Variants in PALLD observed in about 807,000 individuals in gnomAD.
PALLD encodes palladin.
PALLD carries 61 observed loss-of-function variants against 123.5 expected under a neutral mutation model. The ratio of observed to expected loss-of-function variants is 0.49; its 90% CI spans 0.40 to 0.61. The LOEUF (loss-of-function observed/expected upper bound fraction) is 0.61. PALLD is among the 20% of genes least tolerant of loss of function. The probability of loss-of-function intolerance (pLI) is 0.00; values close to 1 mark genes in which losing one functional copy is unlikely to be tolerated. For missense variants in PALLD, 1,273 were observed against 1,377.0 expected (o/e 0.92, Z 1.20); for synonymous variants, 465 against 496.4 (o/e 0.94, Z 0.84).
chr4:168,666,270 C>T (rs917455449), intron 2 of PALLD, among the ~76,000 whole-genome samples: 2 of 152,104 alleles, frequency 1.3e-5, no homozygotes, highest in African/African-American at 4.8e-5. Context: ...TCATTTTCCC[C>T]CAGTAGGTGG....
intron 9 of PALLD, among the ~76,000 whole-genome samples, chr4:168,709,815 T>A (rs1041650390): frequency 1.3e-5 from 2 of 151,968 alleles, no homozygotes; most frequent in African/African-American, 4.8e-5. Context: ...AATGATCGTG[T>A]AGCAACTGAA....
chr4:168,631,638 G>A, intron 2 of PALLD: 5 of 985,516 alleles, frequency 5.1e-6, no homozygotes, highest in Non-Finnish European at 6.0e-6. Flanking sequence ...GGAGACCGGC[G>A]GCCTCTCACC....
intron 10 of PALLD, among the ~76,000 whole-genome samples, chr4:168,822,532 G>C (rs1028228479): frequency 1.3e-5 from 2 of 152,192 alleles, no homozygotes; most frequent in Admixed American, 6.5e-5. Context: ...CCTTCAACCT[G>C]ATACTAACTC....
chr4:168,770,468 A>G (rs1209576468), intron 10 of PALLD, among the ~76,000 whole-genome samples: 1 of 152,194 alleles, frequency 6.6e-6, no homozygotes, highest in Non-Finnish European at 1.5e-5. Context: ...GGCCTGATAC[A>G]CAAGTGCTGG....
At chr4:168,706,842 A>G (rs1001518786) in intron 8 of PALLD, among the ~76,000 whole-genome samples, 1 of 152,180 alleles carries the variant, frequency 6.6e-6, no homozygotes, top group African/African-American at 2.4e-5. Context: ...AATGATAGAT[A>G]CATGAATTTT....
At chr4:168,761,650 T>TTTTTTTTTTTTTTG in intron 10 of PALLD, among the ~76,000 whole-genome samples, 1 of 35,736 alleles carries the variant, frequency 2.8e-5, no homozygotes, top group Non-Finnish European at 6.2e-5. Context: ...TGTTTGTTTT[T>TTTTTTTTTTTTTTG]TTTTTTTTTT....
intron 1 of PALLD, among the ~76,000 whole-genome samples, chr4:168,499,972 A>C (rs1472930177): frequency 6.6e-6 from 1 of 152,214 alleles, no homozygotes; most frequent in South Asian, 2.1e-4. Context: ...ATTTCCTATA[A>C]TATCTCCAAT....
chr4:168,909,301 G>A (rs898606215), intron 15 of PALLD, among the ~76,000 whole-genome samples: 5 of 152,132 alleles, frequency 3.3e-5, no homozygotes, highest in Non-Finnish European at 7.4e-5. Context: ...CAAGTGGCAA[G>A]CTTTTATGAA....
chr4:168,927,201 T>C lies in PALLD; in HGVS notation c.*1021T>C, dbSNP rs1762677938. 2 of 230,788 alleles carry C rather than the reference T, an allele frequency of 8.7e-6. No individual in the cohort carries two copies. Among genetic ancestry groups the C allele is most frequent in the Admixed American group, 5.7e-5 (1 of 17,696 alleles). The allele number at this position is 230,788 out of a possible 1,614,324, so 14.3% of individuals were successfully genotyped here. On this transcript the variant is annotated 3_prime_UTR_variant, in exon 22 of 22. Transcript: ENST00000505667. Reference sequence around the variant, plus strand: ...ATAGTATTTGGAGGAATCAGGGGTTTGGAAGGAGTAGGGAGGAGAATGAAG... The same window carrying C: ...ATAGTATTTGGAGGAATCAGGGGTTCGGAAGGAGTAGGGAGGAGAATGAAG...
chr4:168,522,634 C>T (rs1037429300), intron 2 of PALLD, among the ~76,000 whole-genome samples: 8 of 152,158 alleles, frequency 5.3e-5, no homozygotes, highest in African/African-American at 1.9e-4. Flanking sequence ...ATTCTTTTGA[C>T]GTTTTGGAGT....
At chr4:168,772,814 T>C (rs1581396898) in intron 10 of PALLD, among the ~76,000 whole-genome samples, 1 of 151,722 alleles carries the variant, frequency 6.6e-6, no homozygotes, top group Non-Finnish European at 1.5e-5. Context: ...GATCAGTAAG[T>C]CCCATGCCAA....
At chr4:168,568,614 A>G (rs1334645791) in intron 2 of PALLD, among the ~76,000 whole-genome samples, 3 of 152,078 alleles carry the variant, frequency 2.0e-5, no homozygotes, top group Admixed American at 1.3e-4. Context: ...TGTGTGCATT[A>G]TGTATGCTCA....
At chr4:168,500,756 A>G (rs537743740) in intron 1 of PALLD, among the ~76,000 whole-genome samples, 1 of 152,260 alleles carries the variant, frequency 6.6e-6, no homozygotes, top group South Asian at 2.1e-4. Flanking sequence ...TCTATCCCCA[A>G]AAGTCAGCAA....
rs80077225 is a variant in PALLD at position 168,710,134 on chromosome 4, A to G, written c.1621+987A>G. Among the ~76,000 whole-genome samples, 89 of 152,336 alleles carry G rather than the reference A, an allele frequency of 5.8e-4. 1 individual carries two copies. In the East Asian group the frequency reaches 0.016, roughly 28 times the overall value. On this transcript the variant is annotated intron_variant, in intron 9 of 21. Transcript: ENST00000505667. Reference sequence around the variant, plus strand: ...GCCTTCAAACTCAAATTTCACTGATAGTCTGTATCAATGATAGTATATAAC... The same window carrying G: ...GCCTTCAAACTCAAATTTCACTGATGGTCTGTATCAATGATAGTATATAAC...
At chr4:168,551,291 A>C (rs1185614243) in intron 2 of PALLD, among the ~76,000 whole-genome samples, 1 of 152,174 alleles carries the variant, frequency 6.6e-6, no homozygotes, top group Middle Eastern at 3.2e-3. Context: ...TTATTTCAGC[A>C]ATCTGAGGAA....
At chr4:168,875,174 G>A (rs1751580468) in intron 10 of PALLD, among the ~76,000 whole-genome samples, 1 of 151,256 alleles carries the variant, frequency 6.6e-6, no homozygotes, top group Non-Finnish European at 1.5e-5. Context: ...AAAAAGTTCA[G>A]TTTCATGTTT....
chr4:168,504,769 C>A (rs1342793021), intron 1 of PALLD: 1 of 152,320 alleles, frequency 6.6e-6, no homozygotes, highest in East Asian at 1.9e-4. Context: ...GGGGACAGGA[C>A]AATTTAAAGA....
intron 10 of PALLD, among the ~76,000 whole-genome samples, chr4:168,794,532 A>ACG (rs1433360131): frequency 2.0e-5 from 3 of 150,298 alleles, no homozygotes; most frequent in Non-Finnish European, 3.0e-5. Flanking sequence ...ACACACACAC[A>ACG]CACACACCCC....
chr4:168,590,864 GTTTTTTTTTTTTTTTTTT>G (rs371992201), intron 2 of PALLD, among the ~76,000 whole-genome samples: 10 of 70,198 alleles, frequency 1.4e-4, no homozygotes, highest in Admixed American at 7.3e-4. Flanking sequence ...GACCTAGAAA[GTTTTTTTTTTTTTTTTTT>G]TTTTTTTTTT....
Sources: allele counts gnomAD v4.1 joint callset (sites outside exome capture counted in the v4.1 genomes callset), GRCh38; gene constraint gnomAD v4.1.1; transcripts MANE v1.5; gene names NCBI Gene and HGNC (gene_info 2026-07-23, HGNC 2026-07-21).